ATP11A: variants seen among roughly 807,000 people sequenced by gnomAD.
ATP11A encodes ATPase phospholipid transporting 11A, also known as phospholipid-transporting ATPase IH.
A neutral mutation model predicts 154.4 loss-of-function variants in ATP11A; 81 were observed. That is an observed-to-expected ratio of 0.52 (90% CI 0.44 to 0.63). The LOEUF is 0.63. Ranked by LOEUF, ATP11A falls within the 30% of genes least tolerant of loss-of-function variation. The pLI is 0.00. For missense variants in ATP11A, 1,316 were observed against 1,474.3 expected (o/e 0.89, Z 1.76); for synonymous variants, 623 against 585.9 (o/e 1.06, Z -0.91).
intron 1 of ATP11A, among the ~76,000 whole-genome samples, chr13:112,705,572 C>T (rs867978768): frequency 2.0e-5 from 3 of 152,260 alleles, no homozygotes; most frequent in Middle Eastern, 3.4e-3. Flanking sequence ...GTGTCCGGGA[C>T]GGGGCATGGA....
chr13:112,768,868 C>T (rs1321182799), intron 1 of ATP11A, among the ~76,000 whole-genome samples: 1 of 152,184 alleles, frequency 6.6e-6, no homozygotes, highest in Admixed American at 6.5e-5. Context: ...TTCGCCCGGT[C>T]CTCAGGGCGG....
chr13:112,726,151 G>A (rs897623299), intron 1 of ATP11A, among the ~76,000 whole-genome samples: 12 of 152,280 alleles, frequency 7.9e-5, no homozygotes, highest in Non-Finnish European at 1.8e-4. Context: ...GGCACGGCGT[G>A]CGTGCAGGGA....
At chr13:112,881,009 A>G (rs1026465700) in intron 29 of ATP11A, 48 of 990,154 alleles carry the variant, frequency 4.8e-5, no homozygotes, top group Middle Eastern at 5.1e-4. Flanking sequence ...AAACGTGGTT[A>G]TTGCATGGTT....
intron 16 of ATP11A, among the ~76,000 whole-genome samples, chr13:112,837,378 T>C (rs2079265115): frequency 1.3e-5 from 2 of 152,196 alleles, no homozygotes; most frequent in South Asian, 4.1e-4. Flanking sequence ...CTCAGCCCCA[T>C]AGCAGCGTGC....
intron 3 of ATP11A, 100 bp from the exon 4 acceptor site, chr13:112,806,113 G>C: frequency 7.3e-6 from 6 of 822,238 alleles, no homozygotes; most frequent in Non-Finnish European, 1.2e-5. Context: ...CTTTAAATAA[G>C]TCAAAGCGAA....
In ATP11A at chr13:112,754,052, C is replaced by G. The variant is rs2076758883; in HGVS notation, c.40-31083C>G. Among the ~76,000 whole-genome samples the G allele has an allele frequency of 6.6e-6, 1 of 152,204 alleles. No individual in the cohort carries two copies. The highest frequency in any genetic ancestry group is 2.1e-4 in the South Asian group (1 of 4,834). The stretch of plus-strand genomic sequence containing the variant: ...CAGCATCCAGGGCGTCGCTGTCTCA[C>G]CGTGGTCCCCAGTGTTTTGGGATTG... On this transcript the variant is annotated intron_variant, in intron 1 of 29. Transcript: ENST00000375645. This position sits in a 1 kb window ranked among gnomAD's most constrained non-coding sequence, Gnocchi z 5.3.
At chr13:112,808,555 T>C (rs991074075) in intron 4 of ATP11A, among the ~76,000 whole-genome samples, 1 of 151,606 alleles carries the variant, frequency 6.6e-6, no homozygotes, top group Non-Finnish European at 1.5e-5. Flanking sequence ...GCTGGGACTT[T>C]CCCAAATGGC....
At chr13:112,706,957 A>C (rs1887205157) in intron 1 of ATP11A, among the ~76,000 whole-genome samples, 1 of 152,210 alleles carries the variant, frequency 6.6e-6, no homozygotes, top group Non-Finnish European at 1.5e-5. Context: ...AGTTTATTTT[A>C]GACTGTGGAA....
chr13:112,800,793 T>G (rs1167920823), intron 2 of ATP11A, among the ~76,000 whole-genome samples: 1 of 152,178 alleles, frequency 6.6e-6, no homozygotes, highest in Non-Finnish European at 1.5e-5. Context: ...TAAAAAGAAT[T>G]ATACACCATG....
At chr13:112,794,967 G>C (rs1171661814) in intron 2 of ATP11A, among the ~76,000 whole-genome samples, 1 of 152,226 alleles carries the variant, frequency 6.6e-6, no homozygotes, top group African/African-American at 2.4e-5. Context: ...GGCCCTGCCA[G>C]GTGCGGTGGC....
chr13:112,799,253 C>T (rs1460981135), intron 2 of ATP11A, among the ~76,000 whole-genome samples: 2 of 152,186 alleles, frequency 1.3e-5, no homozygotes, highest in African/African-American at 2.4e-5. Flanking sequence ...AGTAAGGACA[C>T]GGTTGAACTG....
At chr13:112,824,650 G>A (rs2078886760) in intron 10 of ATP11A, among the ~76,000 whole-genome samples, 3 of 152,252 alleles carry the variant, frequency 2.0e-5, no homozygotes, top group African/African-American at 4.8e-5. Context: ...GGTTCACAGC[G>A]CTGCCTCTTA....
chr13:112,690,535 G>A lies in ATP11A; in HGVS notation c.39+80G>A. The stretch of plus-strand genomic sequence containing the variant: ...GCCCCGCAGCCCGGACCCTGTGGCC[G>A]GTCCAGCCCCGGGGTCCCGGGAGGT... On this transcript the variant is annotated intron_variant, in intron 1 of 29. Transcript: ENST00000375645. The surrounding 1 kb of genome is among the most constrained non-coding windows in gnomAD (Gnocchi z 5.6). The A allele has an allele frequency of 8.2e-7, 1 of 1,226,524 alleles. No individual in the cohort carries two copies. Among genetic ancestry groups the A allele is most frequent in the Non-Finnish European group, 1.0e-6 (1 of 975,472 alleles). 76.0% of individuals were successfully genotyped at this position (1,226,524 alleles called of 1,614,324 possible).
chr13:112,826,567 C>G, intron 11 of ATP11A, 127 bp from the exon 12 acceptor site: 2 of 794,808 alleles, frequency 2.5e-6, no homozygotes. Context: ...TCTTTGGACT[C>G]TGAAATCTTG....
intron 17 of ATP11A, 59 bp downstream of exon 17, chr13:112,842,438 A>G: frequency 8.0e-7 from 1 of 1,243,970 alleles, no homozygotes; most frequent in Non-Finnish European, 1.2e-6. Flanking sequence ...TCAGGAAGGA[A>G]TTCCATGTTC....
In ATP11A at chr13:112,726,436, CG is replaced by C. The variant is rs1889901513; in HGVS notation, c.39+35986del. Among the ~76,000 whole-genome samples the C allele has an allele frequency of 1.3e-5, 2 of 151,908 alleles. 1 individual carries two copies. The highest frequency in any genetic ancestry group is 4.2e-4 in the South Asian group (2 of 4,804). On this transcript the variant is annotated intron_variant, in intron 1 of 29. Transcript: ENST00000375645. ...ACCATCTGTGTGCAGGGAGAATGGC[CG>C]GGGGCAGTTGATAGGTGCTGGGGGA...
chr13:112,874,688 G>A (rs1289599239), intron 27 of ATP11A, among the ~76,000 whole-genome samples: 4 of 152,158 alleles, frequency 2.6e-5, no homozygotes, highest in East Asian at 1.9e-4. Flanking sequence ...TTCAGCCAGC[G>A]GCCCCTGGTG....
In ATP11A at chr13:112,831,362, G is replaced by T. The variant is rs745767490; in HGVS notation, c.1222-13G>T. On this transcript the variant is annotated splice_polypyrimidine_tract_variant and intron_variant, in intron 12 of 29. Transcript: ENST00000375645. The stretch of plus-strand genomic sequence containing the variant: ...CCCTCAGAGCGCCCTGACTTGCTGT[G>T]CCCTGCCCGCAGGTGGAGTACATCT... 1.2e-6 allele frequency: 2 copies of T among 1,612,270 alleles called. No homozygotes were observed. The highest frequency in any genetic ancestry group is 1.7e-6 in the Non-Finnish European group (2 of 1,178,516).
rs553265980 is a variant in ATP11A, at chr13:112,737,505, C to T, written c.39+47050C>T. On this transcript the variant is annotated intron_variant, in intron 1 of 29. Coordinates refer to ENST00000375645, the MANE Select transcript of ATP11A (RefSeq NM_015205.3). ...GGCAAGGGCCAGCTATGCTGAGCTG[C>T]CGTGGTCATAAAGACCAGAAGGAGA... 1.4e-4 allele frequency among the ~76,000 whole-genome samples: 22 copies of T among 152,236 alleles called. No homozygotes were observed. The South Asian group carries it at 1.9e-3, about 13-fold the overall frequency.
Sources: allele counts gnomAD v4.1 joint callset (sites outside exome capture counted in the v4.1 genomes callset), GRCh38; gene constraint gnomAD v4.1.1; non-coding constraint Gnocchi (gnomAD v3.1); transcripts MANE v1.5; gene names NCBI Gene and HGNC (gene_info 2026-07-23, HGNC 2026-07-21).